The following MYO3B variants were observed in gnomAD, a reference collection of about 807,000 sequenced individuals.
MYO3B encodes myosin IIIB.
MYO3B carries 156 observed loss-of-function variants against 174.6 expected under a neutral mutation model. The ratio of observed to expected loss-of-function variants is 0.89; its 90% CI spans 0.78 to 1.02. The LOEUF (loss-of-function observed/expected upper bound fraction) is 1.02, where lower values mean the gene tolerates loss of function less well. Among genes scored for constraint, MYO3B ranks in the 50% least tolerant of loss-of-function variants. The pLI, the probability that MYO3B is intolerant of heterozygous loss-of-function variation, is 0.00. For synonymous variants in MYO3B, 563 were observed against 569.1 expected (o/e 0.99, Z 0.15); for missense variants, 1,632 against 1,639.4 (o/e 1.00, Z 0.08).
At chr2:170,627,611 G>A (rs989263926) in intron 32 of MYO3B, among the ~76,000 whole-genome samples, 5 of 152,246 alleles carry the variant, frequency 3.3e-5, no homozygotes, top group African/African-American at 1.2e-4. Context: ...TGTTCCTTTG[G>A]AAGAGGAGAG....
At chr2:170,259,181 G>T (rs750105472) in intron 7 of MYO3B, among the ~76,000 whole-genome samples, 4 of 151,970 alleles carry the variant, frequency 2.6e-5, no homozygotes, top group Non-Finnish European at 2.9e-5. Context: ...TGAAACTACC[G>T]ATGTCATTTT....
At chr2:170,544,443 G>T (rs1690341116) in intron 32 of MYO3B, among the ~76,000 whole-genome samples, 1 of 152,152 alleles carries the variant, frequency 6.6e-6, no homozygotes, top group Non-Finnish European at 1.5e-5. Flanking sequence ...TTTTCTAAAT[G>T]TCTTGCTACA....
intron 32 of MYO3B, among the ~76,000 whole-genome samples, chr2:170,568,202 A>C (rs1162729319): frequency 6.6e-6 from 1 of 152,242 alleles, no homozygotes; most frequent in Non-Finnish European, 1.5e-5. Flanking sequence ...CCTGAATTCC[A>C]ATAAGAAGGG....
chr2:170,289,554 G>A (rs2093581668), intron 7 of MYO3B, among the ~76,000 whole-genome samples: 1 of 151,594 alleles, frequency 6.6e-6, no homozygotes, highest in Non-Finnish European at 1.5e-5. Flanking sequence ...CAGTTTTAAT[G>A]TCTTTTTTTT....
intron 7 of MYO3B, among the ~76,000 whole-genome samples, chr2:170,325,965 A>T (rs1439683480): frequency 1.3e-5 from 2 of 152,046 alleles, no homozygotes; most frequent in Non-Finnish European, 2.9e-5. Flanking sequence ...TCCTGTTTTT[A>T]TTGCCACTCC....
chr2:170,554,279 CTG>C (rs1691126017), intron 32 of MYO3B, among the ~76,000 whole-genome samples: 2 of 152,216 alleles, frequency 1.3e-5, no homozygotes, highest in Non-Finnish European at 2.9e-5. Flanking sequence ...TGAAGGAACT[CTG>C]TGGATACCTA....
chr2:170,563,452 C>T (rs145227543), intron 32 of MYO3B, among the ~76,000 whole-genome samples: 441 of 152,236 alleles, frequency 2.9e-3, no homozygotes, highest in Middle Eastern at 0.024. Context: ...CACAAGACAA[C>T]CCCATAGGAA....
At position 170,551,538 on chromosome 2, in the gene MYO3B, CAAAAAAAAAAAAAA is replaced by C. The variant is rs3072763; in HGVS notation, c.3733+7566_3733+7579del. ...ATAATGTTTGTTCCCTGACTTTTTG[CAAAAAAAAAAAAAA>C]AAAAAAAAAAAAAAATCTAGGCAAG... On this transcript the variant is annotated intron_variant, in intron 32 of 34. Transcript: ENST00000408978. Among the ~76,000 whole-genome samples the C allele has an allele frequency of 9.7e-3, 544 of 56,248 alleles. 5 individuals carry two copies. The highest frequency in any genetic ancestry group is 0.048 in the Middle Eastern group (3 of 62). 36.9% of individuals were successfully genotyped at this position (56,248 alleles called of 152,430 possible).
chr2:170,491,434 CT>C (rs940885611), intron 25 of MYO3B, among the ~76,000 whole-genome samples: 7 of 145,988 alleles, frequency 4.8e-5, no homozygotes, highest in East Asian at 2.1e-4. Flanking sequence ...AATTAATTAA[CT>C]TTTTTTTTAT....
chr2:170,357,446 A>T (rs2094131194), intron 8 of MYO3B, among the ~76,000 whole-genome samples: 1 of 150,626 alleles, frequency 6.6e-6, no homozygotes, highest in Non-Finnish European at 1.5e-5. Flanking sequence ...TGTCTGACAG[A>T]AAGCCCAGAG....
intron 23 of MYO3B, among the ~76,000 whole-genome samples, chr2:170,458,622 C>T (rs1684049071): frequency 6.6e-6 from 1 of 152,288 alleles, no homozygotes; most frequent in Non-Finnish European, 1.5e-5. Flanking sequence ...GAAATTAGCT[C>T]AGGAAGACAA....
intron 23 of MYO3B, among the ~76,000 whole-genome samples, chr2:170,457,865 C>T (rs1488726950): frequency 6.6e-6 from 1 of 152,138 alleles, no homozygotes; most frequent in Non-Finnish European, 1.5e-5. Flanking sequence ...AGCAATTATC[C>T]TCCCTCAGCC....
intron 25 of MYO3B, 45 bp from the exon 26 acceptor site, chr2:170,498,547 C>A: frequency 7.3e-7 from 1 of 1,370,164 alleles, no homozygotes; most frequent in Non-Finnish European, 1.0e-6. Context: ...TATGCTGAGT[C>A]AAATGGTGAC....
chr2:170,469,415 G>A (rs894530208), intron 25 of MYO3B, among the ~76,000 whole-genome samples: 5 of 152,150 alleles, frequency 3.3e-5, no homozygotes, highest in Admixed American at 1.3e-4. Context: ...AGTCGAGCTC[G>A]CTGGATGAGA....
At chr2:170,601,831 C>T in intron 32 of MYO3B, 1 of 986,742 alleles carries the variant, frequency 1.0e-6, no homozygotes, top group Admixed American at 1.9e-5. Context: ...AGTGTTATTC[C>T]ACATCTCTAC....
intron 30 of MYO3B, chr2:170,524,426 A>G (rs748095745): frequency 3.5e-5 from 14 of 402,376 alleles, no homozygotes; most frequent in Admixed American, 8.3e-5. Flanking sequence ...GTCTCCAACA[A>G]TAATAACAAC....
chr2:170,607,022 AAAAAT>A (rs1177524922), intron 32 of MYO3B, among the ~76,000 whole-genome samples: 1 of 152,366 alleles, frequency 6.6e-6, no homozygotes, highest in Admixed American at 6.5e-5. Flanking sequence ...CTCCGTCTCA[AAAAAT>A]AAAATAAAAC....
At chr2:170,552,307 A>C (rs1479389246) in intron 32 of MYO3B, among the ~76,000 whole-genome samples, 1 of 152,188 alleles carries the variant, frequency 6.6e-6, no homozygotes, top group Non-Finnish European at 1.5e-5. Context: ...GTTGTGACCA[A>C]AATGCTGATA....
chr2:170,379,560 C>T (rs978786805), intron 9 of MYO3B, among the ~76,000 whole-genome samples: 2 of 152,136 alleles, frequency 1.3e-5, no homozygotes, highest in South Asian at 2.1e-4. Context: ...GGATTTTGAT[C>T]GGAAATATGT....
Sources: gnomAD v4.1 joint callset for allele counts (sites outside exome capture counted in the v4.1 genomes callset) on GRCh38, gnomAD v4.1.1 for gene constraint, MANE v1.5 for transcripts, NCBI Gene and HGNC (gene_info 2026-07-23, HGNC 2026-07-21) for gene names.